The following GPATCH2L variants were observed in gnomAD, a reference collection of about 807,000 sequenced individuals.
The protein encoded by GPATCH2L is G-patch domain containing 2 like.
GPATCH2L carries 31 observed loss-of-function variants against 57.4 expected under a neutral mutation model. That is an observed-to-expected ratio of 0.54 (90% CI 0.41 to 0.73). The LOEUF (loss-of-function observed/expected upper bound fraction) is 0.73, where lower values mean the gene tolerates loss of function less well. GPATCH2L is among the 30% of genes least tolerant of loss of function. The probability of loss-of-function intolerance (pLI) is 0.00; values close to 1 mark genes in which losing one functional copy is unlikely to be tolerated. For synonymous variants in GPATCH2L, 199 were observed against 210.7 expected, an observed-to-expected ratio of 0.94 and a Z score of 0.48; for missense variants, 481 against 599.9, an observed-to-expected ratio of 0.80 and a Z score of 2.07.
intron 2 of GPATCH2L, among the ~76,000 whole-genome samples, chr14:76,160,529 A>G (rs746723653): frequency 5.9e-5 from 9 of 152,276 alleles, no homozygotes; most frequent in Non-Finnish European, 1.2e-4. Context: ...AGAAGAAGAT[A>G]CAACTGAAGA....
At position 76,195,917 on chromosome 14, in the gene GPATCH2L, C is replaced by T. The variant is rs780721185; in HGVS notation, c.1233C>T (p.Asp411=). The T allele has an allele frequency of 3.1e-6, 5 of 1,613,840 alleles. No homozygotes were observed. The Admixed American group carries it at 5.0e-5, about 16-fold the overall frequency. ...NVHWGPPCSR[D]IKRKRKPVAT... is the part of the protein sequence containing the mutation. ...ACTGGGGACCACCATGTTCACGTGACATCAAGAGGAAGCGGAAACCAGTGG... is the reference window on the plus strand; with the variant it reads ...ACTGGGGACCACCATGTTCACGTGATATCAAGAGGAAGCGGAAACCAGTGG... Residue 411 remains aspartate, a synonymous_variant, in exon 9 of 10, where the codon GAC becomes GAT. Coordinates refer to ENST00000261530, the MANE Select transcript of GPATCH2L (RefSeq NM_017926.4).
chr14:76,184,616 C>T (rs1007237706), intron 8 of GPATCH2L, among the ~76,000 whole-genome samples: 1 of 152,034 alleles, frequency 6.6e-6, no homozygotes, highest in African/African-American at 2.4e-5. Flanking sequence ...ATTGATGTAG[C>T]GTTATAATAC....
chr14:76,154,741 C>G lies in GPATCH2L; in HGVS notation c.378C>G (p.Leu126=), dbSNP rs1280525483. Residue 126 remains leucine (L), a synonymous_variant, in exon 2 of 10, where the codon CTC becomes CTG. Coordinates refer to ENST00000261530, the MANE Select transcript of GPATCH2L (RefSeq NM_017926.4). The surrounding 1 kb of genome is among the most constrained non-coding windows in gnomAD (Gnocchi z 4.4). ...CTGAAAATGCACCTTGTCGACCACTCAGGCGCAGGCGGAAGGTGAAGCGAG... is the reference window on the plus strand; with the variant it reads ...CTGAAAATGCACCTTGTCGACCACTGAGGCGCAGGCGGAAGGTGAAGCGAG... The part of the protein sequence containing the change: ...SFTENAPCRP[L]RRRRKVKRVT... The G allele has an allele frequency of 1.2e-6, 2 of 1,614,098 alleles. No individual in the cohort carries two copies. The highest frequency in any genetic ancestry group is 1.1e-5 in the South Asian group (1 of 91,090).
intron 4 of GPATCH2L, among the ~76,000 whole-genome samples, chr14:76,172,522 A>G (rs557752846): frequency 6.6e-6 from 1 of 152,100 alleles, no homozygotes; most frequent in Non-Finnish European, 1.5e-5. Context: ...TTTTTCTTCA[A>G]TTATGATGTA....
In GPATCH2L at chr14:76,159,474, A is replaced by G. The variant is rs202063013; in HGVS notation, c.662+4449A>G. 2.1e-4 allele frequency among the ~76,000 whole-genome samples: 32 copies of G among 152,188 alleles called. No individual in the cohort carries two copies. The East Asian group carries it at 5.0e-3, about 24-fold the overall frequency. On this transcript the variant is annotated intron_variant, in intron 2 of 9. Transcript: ENST00000261530. ...ATAGGTAACTGCCATTCTCAGATCT[A>G]CAGCTGGCCAAGAGAATATGCAGAG...
intron 9 of GPATCH2L, among the ~76,000 whole-genome samples, chr14:76,201,241 A>G (rs1313612484): frequency 2.0e-5 from 3 of 152,014 alleles, no homozygotes; most frequent in African/African-American, 7.2e-5. Flanking sequence ...GAATCTTGAT[A>G]TTTAACCAGC....
chr14:76,167,386 C>T (rs764239199), intron 3 of GPATCH2L, among the ~76,000 whole-genome samples: 7 of 152,206 alleles, frequency 4.6e-5, no homozygotes, highest in African/African-American at 9.6e-5. Context: ...CCTTTTTGGA[C>T]TGTGGTTTTC....
chr14:76,233,511 A>G (rs895090307), intron 2 of GPATCH2L, among the ~76,000 whole-genome samples: 1 of 152,192 alleles, frequency 6.6e-6, no homozygotes, highest in Non-Finnish European at 1.5e-5. Flanking sequence ...GAATTCCCAC[A>G]CGCCCATCAT....
Position 76,201,974 on chromosome 14 carries a change from C to T in GPATCH2L, c.*123C>T. On this transcript the variant is annotated 3_prime_UTR_variant, in exon 10 of 10. Coordinates refer to ENST00000261530, the MANE Select transcript of GPATCH2L (RefSeq NM_017926.4). ...AGTCCTTTCACCACCAGAACCAACT[C>T]CTCTTTCAAACACAGCAGTGGATTC... The T allele has an allele frequency of 2.8e-6, 2 of 713,744 alleles. No individual in the cohort carries two copies. Among genetic ancestry groups the T allele is most frequent in the Non-Finnish European group, 4.6e-6 (2 of 438,060 alleles). The allele number at this position is 713,744 out of a possible 1,614,324, so 44.2% of individuals were successfully genotyped here.
chr14:76,232,837 G>C (rs1163746816), intron 2 of GPATCH2L, among the ~76,000 whole-genome samples: 2 of 152,172 alleles, frequency 1.3e-5, no homozygotes, highest in Non-Finnish European at 2.9e-5. Context: ...TCGAGCCTTG[G>C]CATCCTGAGT....
rs1160808903 is a variant in GPATCH2L at position 76,202,051 on chromosome 14, T to C, written c.*200T>C. ...AATCTTTTTTTTAAATAGTGAAATATTGAGGCAGCAATTTTTTACAAAAAG... is the reference window on the plus strand; with the variant it reads ...AATCTTTTTTTTAAATAGTGAAATACTGAGGCAGCAATTTTTTACAAAAAG... On this transcript the variant is annotated 3_prime_UTR_variant, in exon 10 of 10. Coordinates refer to ENST00000261530, the MANE Select transcript of GPATCH2L (RefSeq NM_017926.4). 2 of 452,376 alleles carry C rather than the reference T, an allele frequency of 4.4e-6. No individual in the cohort carries two copies. The allele number at this position is 452,376 out of a possible 1,614,324, so 28.0% of individuals were successfully genotyped here. A position where few individuals can be genotyped will look rare whatever the true frequency, so the allele number is the denominator to read the frequency against.
At chr14:76,176,800 T>C in intron 6 of GPATCH2L, 110 bp downstream of exon 6, 1 of 741,960 alleles carries the variant, frequency 1.3e-6, no homozygotes, top group Non-Finnish European at 2.4e-6. Flanking sequence ...CAAAGAGATC[T>C]TAAAGATTTG....
intron 2 of GPATCH2L, among the ~76,000 whole-genome samples, chr14:76,163,006 A>G (rs1237481451): frequency 6.6e-6 from 1 of 152,224 alleles, no homozygotes; most frequent in African/African-American, 2.4e-5. Flanking sequence ...TTGCATCTTC[A>G]GGAGAATGAA....
chr14:76,178,146 T>G (rs953662967), intron 7 of GPATCH2L, 104 bp downstream of exon 7: 66 of 1,275,206 alleles, frequency 5.2e-5, no homozygotes, highest in Non-Finnish European at 7.3e-5. Flanking sequence ...TCTTTGTAGG[T>G]TCAACTGTGA....
chr14:76,162,073 C>T (rs1057382962), intron 2 of GPATCH2L, among the ~76,000 whole-genome samples: 2 of 152,118 alleles, frequency 1.3e-5, no homozygotes, highest in Non-Finnish European at 2.9e-5. Flanking sequence ...GAGCTCTAAA[C>T]AATGAATACT....
chr14:76,174,508 G>T (rs1241079535), intron 5 of GPATCH2L: 2 of 152,206 alleles, frequency 1.3e-5, no homozygotes, highest in Non-Finnish European at 2.9e-5. Context: ...CCCTTAAGGG[G>T]ATACTGTTTT....
chr14:76,214,976 T>G (rs990233890), downstream of GPATCH2L, among the ~76,000 whole-genome samples: 31 of 152,122 alleles, frequency 2.0e-4, no homozygotes, highest in African/African-American at 7.0e-4. Context: ...AATGACCTGT[T>G]ACCCAGGTAC....
intron 2 of GPATCH2L, among the ~76,000 whole-genome samples, chr14:76,160,179 T>C (rs1312382302): frequency 6.6e-6 from 1 of 151,960 alleles, no homozygotes; most frequent in Admixed American, 6.5e-5. Context: ...TGATGCTCAA[T>C]GGGAAGAGAA....
Position 76,198,692 on chromosome 14 carries a change from G to A in GPATCH2L, c.1288+2720G>A, listed in dbSNP as rs187323590. ...TACCTAATAGTTAATCTGTTAATTA[G>A]TTACATCAGGTTTCAAATACTAGGT... On this transcript the variant is annotated intron_variant, in intron 9 of 9. Coordinates refer to ENST00000261530, the MANE Select transcript of GPATCH2L (RefSeq NM_017926.4). Among the ~76,000 whole-genome samples the A allele has an allele frequency of 2.6e-5, 4 of 152,288 alleles. No homozygotes were observed. The East Asian group carries it at 7.7e-4, about 29-fold the overall frequency.
Sources: allele counts gnomAD v4.1 joint callset (sites outside exome capture counted in the v4.1 genomes callset), GRCh38; gene constraint gnomAD v4.1.1; non-coding constraint Gnocchi (gnomAD v3.1); transcripts MANE v1.5; gene names NCBI Gene and HGNC (gene_info 2026-07-23, HGNC 2026-07-21).